The following OR4K2 variants were observed in gnomAD, a reference collection of about 807,000 sequenced individuals.
The protein encoded by OR4K2 is olfactory receptor family 4 subfamily K member 2.
In OR4K2, 8 loss-of-function variants were observed where a neutral mutation model predicts 10.5. The observed-to-expected ratio is 0.76, with a 90% CI of 0.45 to 1.37. The LOEUF is 1.37. Ranked by LOEUF, OR4K2 falls within the 40% of genes most tolerant of loss-of-function variation. The probability of loss-of-function intolerance (pLI) is 0.00; values close to 1 mark genes in which losing one functional copy is unlikely to be tolerated. For synonymous variants in OR4K2, 178 were observed against 133.6 expected (o/e 1.33, Z -2.29); for missense variants, 547 against 379.5 (o/e 1.44, Z -3.67).
At position 19,878,503 on chromosome 14, in the gene OR4K2, TATC is replaced by T. The variant is rs1880965378; in HGVS notation, c.*1294_*1296del. ...GAGAAAACAAATGAAATGCATTAAT[TATC>T]ATTTATGAAAGATAATTAAAACAGA... On this transcript the variant is annotated 3_prime_UTR_variant, in exon 2 of 2. Transcript: ENST00000641885. 6.6e-6 allele frequency: 1 copy of T among 152,372 alleles called. No homozygotes were observed. The highest frequency in any genetic ancestry group is 1.5e-5 in the Non-Finnish European group (1 of 68,018). The allele number at this position is 152,372 out of a possible 1,614,324, so 9.4% of individuals were successfully genotyped here.
At position 19,877,863 on chromosome 14, in the gene OR4K2, GAGTA is replaced by G. The variant is rs1296705609; in HGVS notation, c.*652_*655del. 1 of 152,394 alleles carries G rather than the reference GAGTA, an allele frequency of 6.6e-6. No homozygotes were observed. Among genetic ancestry groups the G allele is most frequent in the Non-Finnish European group, 1.5e-5 (1 of 68,158 alleles). 9.4% of individuals were successfully genotyped at this position (152,394 alleles called of 1,614,324 possible). ...ATATTTCTTTCTGATAATGCGGAATGAGTAGGGAGGCTGGAGAATTCTGCAAATC... is the reference window on the plus strand; with the variant it reads ...ATATTTCTTTCTGATAATGCGGAATGGGGAGGCTGGAGAATTCTGCAAATC... On this transcript the variant is annotated 3_prime_UTR_variant, in exon 2 of 2. Coordinates refer to ENST00000641885, the MANE Select transcript of OR4K2 (RefSeq NM_001005501.2).
In OR4K2 at chr14:19,876,884, T is replaced by C; in HGVS notation, c.617T>C (p.Ile206Thr). 1 of 1,614,206 alleles carries C rather than the reference T, an allele frequency of 6.2e-7. No homozygotes were observed. Among genetic ancestry groups the C allele is most frequent in the South Asian group, 1.1e-5 (1 of 91,088 alleles). The change falls in exon 2 of 2, where the codon ATT becomes ACT. Residue 206 changes from isoleucine (I) to threonine (T), a missense_variant. By Grantham distance (89) the Ile-to-Thr change is moderately conservative. Transcript: ENST00000641885. The part of the protein sequence containing the change: ...GLFMISTSGI[I>T]ALSCFIVLFN... ...TTTATGATCTCAACAAGTGGCATAA[T>C]TGCGTTGTCCTGTTTTATTGTTTTA... is the stretch of plus-strand genomic sequence containing the variant.
intron 1 of OR4K2, 52 bp downstream of exon 1, chr14:19,876,186 T>G: frequency 8.8e-7 from 1 of 1,134,248 alleles, no homozygotes; most frequent in Non-Finnish European, 1.2e-6. Flanking sequence ...TGGAAATGAA[T>G]CTTTTGCTTC....
rs996629088 is a variant in OR4K2, at chr14:19,879,290, T to A, written c.*2078T>A. The A allele has an allele frequency of 2.0e-5, 3 of 152,240 alleles. No individual in the cohort carries two copies. The highest frequency in any genetic ancestry group is 4.4e-5 in the Non-Finnish European group (3 of 68,050). 9.4% of individuals were successfully genotyped at this position (152,240 alleles called of 1,614,324 possible). ...ATGTTATATAAACACTTAAAAATCT[T>A]AGTTAGGACTTTAGGACTCATGGTG... On this transcript the variant is annotated 3_prime_UTR_variant, in exon 2 of 2. Transcript: ENST00000641885.
rs539437965 is a variant in OR4K2 at position 19,880,149 on chromosome 14, A to G, written c.*2937A>G. 2.2e-4 allele frequency: 34 copies of G among 153,184 alleles called. No individual in the cohort carries two copies. The highest frequency in any genetic ancestry group is 7.5e-4 in the African/African-American group (31 of 41,588). The allele number at this position is 153,184 out of a possible 1,614,324, so 9.5% of individuals were successfully genotyped here. ...CAATTCTTCTTCCAATGTGGCCCAG[A>G]GAAGCCAAAACTTTGGACACCCCTG... is the stretch of plus-strand genomic sequence containing the variant. On this transcript the variant is annotated 3_prime_UTR_variant, in exon 2 of 2. Transcript: ENST00000641885.
At position 19,879,030 on chromosome 14, in the gene OR4K2, G is replaced by C. The variant is rs906512589; in HGVS notation, c.*1818G>C. 2.0e-5 allele frequency: 3 copies of C among 152,228 alleles called. No homozygotes were observed. The highest frequency in any genetic ancestry group is 6.5e-5 in the Admixed American group (1 of 15,274). The allele number at this position is 152,228 out of a possible 1,614,324, so 9.4% of individuals were successfully genotyped here. A position where few individuals can be genotyped will look rare whatever the true frequency, so the allele number is the denominator to read the frequency against. The stretch of plus-strand genomic sequence containing the variant: ...GCTATTGATTTTCTGTGCTTTTGTG[G>C]AGAATTCTAAAACTCAAGAACATTT... On this transcript the variant is annotated 3_prime_UTR_variant, in exon 2 of 2. Transcript: ENST00000641885.
At position 19,882,889 on chromosome 14, in the gene OR4K2, G is replaced by T. The variant is rs1406501206; in HGVS notation, c.*5677G>T. The T allele has an allele frequency of 1.4e-5, 2 of 143,898 alleles. No homozygotes were observed. 8.9% of individuals were successfully genotyped at this position (143,898 alleles called of 1,614,324 possible). ...GTCGCCCAGGCTGGAGTGCAGTAGC[G>T]TGATCTCCGCTCATTGCAAACTCTG... On this transcript the variant is annotated 3_prime_UTR_variant, in exon 2 of 2. Coordinates refer to ENST00000641885, the MANE Select transcript of OR4K2 (RefSeq NM_001005501.2).
At position 19,883,659 on chromosome 14, in the gene OR4K2, CTA is replaced by C. The variant is rs1226772618; in HGVS notation, c.*6449_*6450del. On this transcript the variant is annotated 3_prime_UTR_variant, in exon 2 of 2. Transcript: ENST00000641885. ...GTAGTTAAAGTAATTAAATAGGACTCTATTGCACTCAAGAGATTTTAAAACGT... is the reference window on the plus strand; with the variant it reads ...GTAGTTAAAGTAATTAAATAGGACTCTTGCACTCAAGAGATTTTAAAACGT... 2.6e-5 allele frequency: 4 copies of C among 152,300 alleles called. No homozygotes were observed. The East Asian group carries it at 7.7e-4, about 29-fold the overall frequency. 9.4% of individuals were successfully genotyped at this position (152,300 alleles called of 1,614,324 possible). A position where few individuals can be genotyped will look rare whatever the true frequency, so the allele number is the denominator to read the frequency against.
Position 19,882,890 on chromosome 14 carries a change from T to C in OR4K2, c.*5678T>C, listed in dbSNP as rs34619216. ...TCGCCCAGGCTGGAGTGCAGTAGCG[T>C]GATCTCCGCTCATTGCAAACTCTGC... On this transcript the variant is annotated 3_prime_UTR_variant, in exon 2 of 2. Coordinates refer to ENST00000641885, the MANE Select transcript of OR4K2 (RefSeq NM_001005501.2). 0.38 allele frequency: 54,524 copies of C among 143,544 alleles called. 6,583 individuals are homozygous for C. The highest frequency in any genetic ancestry group is 0.45 in the Non-Finnish European group (29,102 of 65,208). The allele number at this position is 143,544 out of a possible 1,614,324, so 8.9% of individuals were successfully genotyped here.
rs1338543171 is a variant in OR4K2, at chr14:19,882,484, A to G, written c.*5272A>G. The G allele has an allele frequency of 6.6e-6, 1 of 152,266 alleles. No individual in the cohort carries two copies. The highest frequency in any genetic ancestry group is 1.5e-5 in the Non-Finnish European group (1 of 68,056). 9.4% of individuals were successfully genotyped at this position (152,266 alleles called of 1,614,324 possible). On this transcript the variant is annotated 3_prime_UTR_variant, in exon 2 of 2. Transcript: ENST00000641885. ...TTTTATTGCAGTGTAAAAGCAAGGT[A>G]AAGAAAAATACACAAACATGTTTAG...
rs760274871 is a variant in OR4K2, at chr14:19,882,220, A to T, written c.*5008A>T. 6 of 152,448 alleles carry T rather than the reference A, an allele frequency of 3.9e-5. No individual in the cohort carries two copies. Among genetic ancestry groups the T allele is most frequent in the Non-Finnish European group, 7.3e-5 (5 of 68,206 alleles). 9.4% of individuals were successfully genotyped at this position (152,448 alleles called of 1,614,324 possible). On this transcript the variant is annotated 3_prime_UTR_variant, in exon 2 of 2. Coordinates refer to ENST00000641885, the MANE Select transcript of OR4K2 (RefSeq NM_001005501.2). ...TTGCTTTCCCTCACATCTCATCATC[A>T]TCTTGCTCACCAGCGGCAATTATAT...
chr14:19,881,217 AATTC>A lies in OR4K2; in HGVS notation c.*4008_*4011del. 1 of 152,272 alleles carries A rather than the reference AATTC, an allele frequency of 6.6e-6. No individual in the cohort carries two copies. Among genetic ancestry groups the A allele is most frequent in the Non-Finnish European group, 1.5e-5 (1 of 68,056 alleles). The allele number at this position is 152,272 out of a possible 1,614,324, so 9.4% of individuals were successfully genotyped here. On this transcript the variant is annotated 3_prime_UTR_variant, in exon 2 of 2. Transcript: ENST00000641885. ...GAGAAGAAAACAGCCAGGGAAATCT[AATTC>A]ATGTGAACTTCTTGCATGTACTCTC... is the stretch of plus-strand genomic sequence containing the variant.
chr14:19,876,824 A>G lies in OR4K2; in HGVS notation c.557A>G (p.Gln186Arg), dbSNP rs1421966791. 3 of 1,614,080 alleles carry G rather than the reference A, an allele frequency of 1.9e-6. No homozygotes were observed. Among genetic ancestry groups the G allele is most frequent in the Non-Finnish European group, 1.7e-6 (2 of 1,180,004 alleles). The change falls in exon 2 of 2, where the codon CAG (glutamine) becomes CGG (arginine). Residue 186 changes from glutamine to arginine, a missense_variant. By Grantham distance (43) the Gln-to-Arg change is conservative. Transcript: ENST00000641885. ...SFFCDLPVVF[Q>R]LACVDTYVLG... is the part of the protein sequence containing the mutation. The stretch of plus-strand genomic sequence containing the variant: ...TTCTGTGACCTTCCTGTGGTGTTCC[A>G]GTTGGCTTGTGTGGATACTTATGTT...
At position 19,879,971 on chromosome 14, in the gene OR4K2, C is replaced by T. The variant is rs1464028936; in HGVS notation, c.*2759C>T. ...TAAGCCTAGCTTGTCCAACCCATGACCTGCAGGTTGCATGCGGCTCAGGAG... is the reference window on the plus strand; with the variant it reads ...TAAGCCTAGCTTGTCCAACCCATGATCTGCAGGTTGCATGCGGCTCAGGAG... On this transcript the variant is annotated 3_prime_UTR_variant, in exon 2 of 2. Coordinates refer to ENST00000641885, the MANE Select transcript of OR4K2 (RefSeq NM_001005501.2). 3 of 152,292 alleles carry T rather than the reference C, an allele frequency of 2.0e-5. No individual in the cohort carries two copies. The highest frequency in any genetic ancestry group is 1.9e-4 in the East Asian group (1 of 5,200). The allele number at this position is 152,292 out of a possible 1,614,324, so 9.4% of individuals were successfully genotyped here. A position where few individuals can be genotyped will look rare whatever the true frequency, so the allele number is the denominator to read the frequency against.
Position 19,877,547 on chromosome 14 carries a change from C to G in OR4K2, c.*335C>G, listed in dbSNP as rs936789116. On this transcript the variant is annotated 3_prime_UTR_variant, in exon 2 of 2. Transcript: ENST00000641885. ...AATGACAATTACCCACAGTGAGCAA[C>G]TGAGTCACTTAGTGAGATGCTCCTA... 4.3e-6 allele frequency: 1 copy of G among 233,488 alleles called. No homozygotes were observed. Among genetic ancestry groups the G allele is most frequent in the Non-Finnish European group, 8.5e-6 (1 of 117,812 alleles). The allele number at this position is 233,488 out of a possible 1,614,324, so 14.5% of individuals were successfully genotyped here.
At position 19,877,569 on chromosome 14, in the gene OR4K2, C is replaced by G. The variant is rs1360303121; in HGVS notation, c.*357C>G. ...CAACTGAGTCACTTAGTGAGATGCT[C>G]CTAAAGTATGACAAGCTAGCAAGAT... On this transcript the variant is annotated 3_prime_UTR_variant, in exon 2 of 2. Transcript: ENST00000641885. 4.9e-6 allele frequency: 1 copy of G among 204,172 alleles called. No individual in the cohort carries two copies. The highest frequency in any genetic ancestry group is 1.3e-4 in the East Asian group (1 of 7,428). 12.6% of individuals were successfully genotyped at this position (204,172 alleles called of 1,614,324 possible).
In OR4K2 at chr14:19,877,315, C is replaced by T. The variant is rs1318104278; in HGVS notation, c.*103C>T. On this transcript the variant is annotated 3_prime_UTR_variant, in exon 2 of 2. Transcript: ENST00000641885. ...CCAAGAATTTGTGAGGGCTCAAGTT[C>T]AGTGCATTTTGAAACTATTCTCATG... 3.8e-6 allele frequency: 3 copies of T among 795,436 alleles called. No individual in the cohort carries two copies. The highest frequency in any genetic ancestry group is 5.9e-6 in the Non-Finnish European group (3 of 511,370). The allele number at this position is 795,436 out of a possible 1,614,324, so 49.3% of individuals were successfully genotyped here.
rs1464142474 is a variant in OR4K2, at chr14:19,879,701, C to T, written c.*2489C>T. On this transcript the variant is annotated 3_prime_UTR_variant, in exon 2 of 2. Coordinates refer to ENST00000641885, the MANE Select transcript of OR4K2 (RefSeq NM_001005501.2). ...GTGTAAATTTTAATATGTGAAGGAA[C>T]TGGATATATGTAATAGCAATAAAAA... 6.6e-6 allele frequency: 1 copy of T among 152,158 alleles called. No individual in the cohort carries two copies. The highest frequency in any genetic ancestry group is 6.5e-5 in the Admixed American group (1 of 15,276). 9.4% of individuals were successfully genotyped at this position (152,158 alleles called of 1,614,324 possible). A position where few individuals can be genotyped will look rare whatever the true frequency, so the allele number is the denominator to read the frequency against.
chr14:19,882,764 A>G lies in OR4K2; in HGVS notation c.*5552A>G, dbSNP rs1881067861. On this transcript the variant is annotated 3_prime_UTR_variant, in exon 2 of 2. Coordinates refer to ENST00000641885, the MANE Select transcript of OR4K2 (RefSeq NM_001005501.2). Reference sequence around the variant, plus strand: ...ACTTTGTTTCCTTTTCTTGTAGCCTACAAGTCTCACTATCACTATCTCTTC... The same window carrying G: ...ACTTTGTTTCCTTTTCTTGTAGCCTGCAAGTCTCACTATCACTATCTCTTC... The G allele has an allele frequency of 6.6e-6, 1 of 152,356 alleles. No homozygotes were observed. The highest frequency in any genetic ancestry group is 1.5e-5 in the Non-Finnish European group (1 of 68,264). 9.4% of individuals were successfully genotyped at this position (152,356 alleles called of 1,614,324 possible).
Sources: allele counts gnomAD v4.1 joint callset, GRCh38; gene constraint gnomAD v4.1.1; transcripts MANE v1.5; gene names NCBI Gene and HGNC (gene_info 2026-07-23, HGNC 2026-07-21).